CARD14: variants seen among roughly 807,000 people sequenced by gnomAD.
The protein encoded by CARD14 is caspase recruitment domain-containing protein 14.
CARD14 carries 107 observed loss-of-function variants against 111.5 expected under a neutral mutation model. The observed-to-expected ratio is 0.96, with a 90% CI of 0.82 to 1.13. The LOEUF (loss-of-function observed/expected upper bound fraction) is 1.13. CARD14 is among the 50% of genes most tolerant of loss of function. CARD14 has a pLI of 0.00. For synonymous variants in CARD14, 617 were observed against 579.6 expected, an observed-to-expected ratio of 1.06 and a Z score of -0.93; for missense variants, 1,322 against 1,362.3, an observed-to-expected ratio of 0.97 and a Z score of 0.47.
chr17:80,186,998 G>A (rs902043221), intron 7 of CARD14, among the ~76,000 whole-genome samples: 1 of 152,208 alleles, frequency 6.6e-6, no homozygotes, highest in African/African-American at 2.4e-5. Context: ...ACACATACTT[G>A]TCTGTGTACA....
rs1314363039 is a variant in CARD14, at chr17:80,182,799, T to C, written c.349+9T>C. On this transcript the variant is annotated intron_variant, in intron 6 of 23. Coordinates refer to ENST00000648509, the MANE Select transcript of CARD14 (RefSeq NM_001366385.1). This position sits in a 1 kb window ranked among gnomAD's most constrained non-coding sequence, Gnocchi z 4.7. ...CTTCAGTAACTTTAGCGGTGAGAGC[T>C]CCGACTTTGACGGTTTGGCAGGCAC... is the stretch of plus-strand genomic sequence containing the variant. 1 of 1,613,952 alleles carries C rather than the reference T, an allele frequency of 6.2e-7. No homozygotes were observed. Among genetic ancestry groups the C allele is most frequent in the East Asian group, 2.2e-5 (1 of 44,880 alleles).
intron 1 of CARD14, among the ~76,000 whole-genome samples, chr17:80,170,795 G>GTCCCCTCCCCTCCCA (rs2039877856): frequency 1.5e-4 from 3 of 20,056 alleles, no homozygotes; most frequent in Non-Finnish European, 2.7e-4. Flanking sequence ...CTCCCCTCCC[G>GTCCCCTCCCCTCCCA]TCCCCTCCCC....
chr17:80,181,227 G>A (rs2040163250), intron 4 of CARD14, among the ~76,000 whole-genome samples, 192 bp from the exon 5 acceptor site: 2 of 152,278 alleles, frequency 1.3e-5, no homozygotes, highest in South Asian at 4.1e-4. Flanking sequence ...CTTACACAGA[G>A]GGAGAAACCA....
chr17:80,174,303 C>T (rs963552812), intron 2 of CARD14, among the ~76,000 whole-genome samples: 2 of 152,180 alleles, frequency 1.3e-5, no homozygotes, highest in African/African-American at 2.4e-5. Context: ...GCCTCTGCCT[C>T]CCGGGTTTAA....
In CARD14 at chr17:80,195,314, G is replaced by C. The variant is rs1279576860; in HGVS notation, c.1480G>C (p.Glu494Gln). The change falls in exon 13 of 24, where the codon GAA (glutamate) becomes CAA (glutamine). Residue 494 changes from glutamate to glutamine, a missense_variant. Glu to Gln is a conservative substitution (Grantham distance 29). Transcript: ENST00000648509. The surrounding 1 kb of genome is among the most constrained non-coding windows in gnomAD (Gnocchi z 4.7). ...LYKRVAEDFG[E>Q]EPWSFSSCLE... ...CAAGCGGGTGGCCGAGGACTTCGGGGAAGAACCCTGGTCTTTCAGGTAGAG... is the reference window on the plus strand; with the variant it reads ...CAAGCGGGTGGCCGAGGACTTCGGGCAAGAACCCTGGTCTTTCAGGTAGAG... 6.2e-7 allele frequency: 1 copy of C among 1,612,290 alleles called. No individual in the cohort carries two copies. The highest frequency in any genetic ancestry group is 1.7e-5 in the Admixed American group (1 of 59,938).
chr17:80,170,330 G>A (rs1271921661), intron 1 of CARD14: 1 of 152,216 alleles, frequency 6.6e-6, no homozygotes, highest in African/African-American at 2.4e-5. Context: ...TAGATGAAAG[G>A]GATCTCTGTT....
chr17:80,205,435 C>G (rs1305653830), intron 21 of CARD14, 96 bp from the exon 22 acceptor site: 1 of 1,485,328 alleles, frequency 6.7e-7, no homozygotes, highest in Non-Finnish European at 9.1e-7. Context: ...TCTCCCAGTG[C>G]TGGCAGGGTT....
In CARD14 at chr17:80,190,880, T is replaced by C; in HGVS notation, c.1070T>C (p.Leu357Pro). ...VNALQAQVCELQKERDQAYSA... is the reference protein window; with the variant it reads ...VNALQAQVCEPQKERDQAYSA... ...GCGCTGCAGGCCCAGGTGTGCGAGC[T>C]GCAGAAGGAGCGAGACCAGGTACCT... The change falls in exon 10 of 24, where the codon CTG (leucine) becomes CCG (proline). Residue 357 changes from leucine (L) to proline (P), a missense_variant. By Grantham distance (98) the Leu-to-Pro change is moderately conservative (BLOSUM62 -3). Transcript: ENST00000648509. 2 of 1,613,878 alleles carry C rather than the reference T, an allele frequency of 1.2e-6. No homozygotes were observed. Among genetic ancestry groups the C allele is most frequent in the South Asian group, 1.1e-5 (1 of 91,066 alleles).
chr17:80,180,244 G>A (rs1251365117), intron 4 of CARD14, among the ~76,000 whole-genome samples: 4 of 152,110 alleles, frequency 2.6e-5, no homozygotes, highest in Admixed American at 2.6e-4. Context: ...AGGTGTTCCG[G>A]GCTGTAACGG....
Position 80,198,530 on chromosome 17 carries a change from GGGTCACCCCGGGCTC to G in CARD14, c.1793_1807del (p.Val598_Ser602del), listed in dbSNP as rs2040804877. The G allele has an allele frequency of 6.2e-7, 1 of 1,613,036 alleles. No individual in the cohort carries two copies. The highest frequency in any genetic ancestry group is 1.7e-5 in the Admixed American group (1 of 60,004). ...AACCTCACGGGCATCTTCATCCACC[GGGTCACCCCGGGCTC>G]GGCGGCGGACCAGATGGCCTTGCGC... On this transcript the variant is annotated inframe_deletion, in exon 16 of 24. Transcript: ENST00000648509. The surrounding 1 kb of genome is among the most constrained non-coding windows in gnomAD (Gnocchi z 7.5).
At chr17:80,177,567 C>T (rs1268226302) in intron 2 of CARD14, among the ~76,000 whole-genome samples, 1 of 152,068 alleles carries the variant, frequency 6.6e-6, no homozygotes, top group East Asian at 1.9e-4. Flanking sequence ...TGGTGGCATG[C>T]ACCTGTGATC....
intron 17 of CARD14, 104 bp from the exon 18 acceptor site, chr17:80,202,076 A>G: frequency 8.0e-7 from 1 of 1,255,338 alleles, no homozygotes; most frequent in East Asian, 2.3e-5. Context: ...GCAGCTTCTG[A>G]GACTGGGAGG....
At chr17:80,174,484 A>C (rs972253518) in intron 2 of CARD14, among the ~76,000 whole-genome samples, 5 of 152,198 alleles carry the variant, frequency 3.3e-5, no homozygotes, top group African/African-American at 1.2e-4. Flanking sequence ...AAGTGCTGGG[A>C]TTACAGGCGT....
chr17:80,192,936 G>A (rs2040574288), intron 12 of CARD14, among the ~76,000 whole-genome samples: 1 of 152,132 alleles, frequency 6.6e-6, no homozygotes, highest in African/African-American at 2.4e-5. Context: ...GTTTTTAGTA[G>A]AGAGGGTTTC....
chr17:80,187,563 T>C (rs970293729), intron 7 of CARD14, among the ~76,000 whole-genome samples: 1 of 152,222 alleles, frequency 6.6e-6, no homozygotes, highest in Admixed American at 6.5e-5. Flanking sequence ...AGCTGGACCA[T>C]TGCAGGAGCT....
Position 80,188,596 on chromosome 17 carries a change from C to T in CARD14, c.843+52C>T. On this transcript the variant is annotated intron_variant, in intron 8 of 23. Transcript: ENST00000648509. This position sits in a 1 kb window ranked among gnomAD's most constrained non-coding sequence, Gnocchi z 4.5. Reference sequence around the variant, plus strand: ...GCGGCCTCCTGCCTTGGGGGCTTGGCCCTCAGGCTGTGGGGTTTCTGACAG... The same window carrying T: ...GCGGCCTCCTGCCTTGGGGGCTTGGTCCTCAGGCTGTGGGGTTTCTGACAG... The T allele has an allele frequency of 7.1e-7, 1 of 1,400,260 alleles. No individual in the cohort carries two copies. The highest frequency in any genetic ancestry group is 9.3e-7 in the Non-Finnish European group (1 of 1,071,480). The allele number at this position is 1,400,260 out of a possible 1,614,324, so 86.7% of individuals were successfully genotyped here.
Position 80,182,455 on chromosome 17 carries a change from T to TG in CARD14, c.212-193dup, listed in dbSNP as rs1450775776. Reference sequence around the variant, plus strand: ...CCCTTCTCGAGTCTGACTGAGGTCATGGGGGTAAAGGGAGCCTGTGAGAGC... The same window carrying TG: ...CCCTTCTCGAGTCTGACTGAGGTCATGGGGGGTAAAGGGAGCCTGTGAGAGC... On this transcript the variant is annotated intron_variant, in intron 5 of 23. Transcript: ENST00000648509. The surrounding 1 kb of genome is among the most constrained non-coding windows in gnomAD (Gnocchi z 4.7). 5.9e-5 allele frequency among the ~76,000 whole-genome samples: 9 copies of TG among 152,126 alleles called. No individual in the cohort carries two copies. The highest frequency in any genetic ancestry group is 1.3e-4 in the Non-Finnish European group (9 of 68,012).
chr17:80,191,187 C>A, intron 10 of CARD14, 136 bp from the exon 11 acceptor site: 1 of 1,126,888 alleles, frequency 8.9e-7, no homozygotes, highest in Non-Finnish European at 1.3e-6. Context: ...TGAAATGAAT[C>A]TTAAGTTTGC....
chr17:80,175,474 G>T (rs994195655), intron 2 of CARD14, among the ~76,000 whole-genome samples: 1 of 152,180 alleles, frequency 6.6e-6, no homozygotes, highest in East Asian at 1.9e-4. Context: ...GTGACAGAGC[G>T]ACTGCGCCCA....
Sources: gnomAD v4.1 joint callset for allele counts (sites outside exome capture counted in the v4.1 genomes callset) on GRCh38, gnomAD v4.1.1 for gene constraint, Gnocchi (gnomAD v3.1) non-coding constraint, MANE v1.5 for transcripts, NCBI Gene and HGNC (gene_info 2026-07-23, HGNC 2026-07-21) for gene names.